Variants in ATRIP observed in about 807,000 individuals in gnomAD.
ATRIP encodes the protein ATR-interacting protein.
ATRIP carries 44 observed loss-of-function variants against 78.1 expected under a neutral mutation model. That is an observed-to-expected ratio of 0.56 (90% CI 0.44 to 0.72). ATRIP has a LOEUF of 0.72. ATRIP is among the 30% of genes least tolerant of loss of function. The probability of loss-of-function intolerance (pLI) is 0.00; values close to 1 mark genes in which losing one functional copy is unlikely to be tolerated. For synonymous variants in ATRIP, 388 were observed against 408.9 expected, an observed-to-expected ratio of 0.95 and a Z score of 0.62; for missense variants, 927 against 980.2, an observed-to-expected ratio of 0.95 and a Z score of 0.72.
At chr3:48,450,235 C>T in intron 2 of ATRIP, 65 bp downstream of exon 2, 1 of 1,530,002 alleles carries the variant, frequency 6.5e-7, no homozygotes, top group Non-Finnish European at 8.9e-7. Context: ...AAGCATTGTA[C>T]AGTAAAATAT....
At chr3:48,449,960 G>C in intron 1 of ATRIP, 77 bp from the exon 2 acceptor site, 1 of 1,267,158 alleles carries the variant, frequency 7.9e-7, no homozygotes, top group East Asian at 2.6e-5. Flanking sequence ...AAAAAAAAAA[G>C]TGGGTATTTT....
At position 48,457,289 on chromosome 3, in the gene ATRIP, G is replaced by A. The variant is rs2039977039; in HGVS notation, c.702G>A (p.Lys234=). ...GGAAAAACCCTTCTGTGGTTATAAA[G>A]CCAGAAGCATGTTCTCCACAATTTG... The part of the protein sequence containing the change: ...SPRKNPSVVI[K]PEACSPQFGK... The change falls in exon 5 of 13, where the codon AAG becomes AAA. Residue 234 remains lysine (K), a synonymous_variant. Coordinates refer to ENST00000320211, the MANE Select transcript of ATRIP (RefSeq NM_130384.3). 1 of 1,597,782 alleles carries A rather than the reference G, an allele frequency of 6.3e-7. No homozygotes were observed. Among genetic ancestry groups the A allele is most frequent in the Non-Finnish European group, 8.5e-7 (1 of 1,173,230 alleles).
At chr3:48,454,081 C>T (rs2039896766) in intron 3 of ATRIP, among the ~76,000 whole-genome samples, 1 of 152,134 alleles carries the variant, frequency 6.6e-6, no homozygotes, top group Admixed American at 6.6e-5. Context: ...TTTAAACCCT[C>T]ACAAACTACC....
Position 48,451,620 on chromosome 3 carries a change from TTGTC to T in ATRIP, c.382-105_382-102del, listed in dbSNP as rs1336825402. Reference sequence around the variant, plus strand: ...CTGTGGATATATTTTGAGTACTCATTTGTCTGTTTTTCCTGTGCTTTCTCCATCT... The same window carrying T: ...CTGTGGATATATTTTGAGTACTCATTTGTTTTTCCTGTGCTTTCTCCATCT... On this transcript the variant is annotated intron_variant, in intron 2 of 12. Coordinates refer to ENST00000320211, the MANE Select transcript of ATRIP (RefSeq NM_130384.3). 1.3e-5 allele frequency: 12 copies of T among 900,838 alleles called. No homozygotes were observed. In the East Asian group the frequency reaches 3.0e-4, roughly 23 times the overall value. 55.8% of individuals were successfully genotyped at this position (900,838 alleles called of 1,614,324 possible).
Position 48,446,837 on chromosome 3 carries a change from G to T in ATRIP, c.-9G>T. On this transcript the variant is annotated 5_prime_UTR_variant, in exon 1 of 13. Transcript: ENST00000320211. ...CGGCGCTGTCGGATACTTGGGGTGA[G>T]CGGAAAGCATGGCGGGGACCTCCGC... is the stretch of plus-strand genomic sequence containing the variant. The T allele has an allele frequency of 7.1e-7, 1 of 1,398,904 alleles. No homozygotes were observed. Among genetic ancestry groups the T allele is most frequent in the Non-Finnish European group, 9.3e-7 (1 of 1,077,170 alleles). 86.7% of individuals were successfully genotyped at this position (1,398,904 alleles called of 1,614,324 possible).
intron 2 of ATRIP, among the ~76,000 whole-genome samples, chr3:48,451,394 G>A (rs1233670079): frequency 6.6e-6 from 1 of 152,202 alleles, no homozygotes; most frequent in Non-Finnish European, 1.5e-5. Flanking sequence ...AAGAGGTTGA[G>A]GCGAGAGGAT....
intron 1 of ATRIP, 125 bp downstream of exon 1, chr3:48,447,217 C>A: frequency 2.4e-6 from 3 of 1,276,214 alleles, no homozygotes; most frequent in South Asian, 2.7e-5. Context: ...TATGGGAACA[C>A]CCTGATTTAA....
rs145208844 is a variant in ATRIP at position 48,466,867 on chromosome 3, T to C, written c.*1313T>C. The C allele has an allele frequency of 4.6e-5, 75 of 1,613,512 alleles. No homozygotes were observed. Among genetic ancestry groups the C allele is most frequent in the Non-Finnish European group, 6.3e-5 (74 of 1,180,036 alleles). On this transcript the variant is annotated 3_prime_UTR_variant, in exon 13 of 13. Coordinates refer to ENST00000320211, the MANE Select transcript of ATRIP (RefSeq NM_130384.3). The stretch of plus-strand genomic sequence containing the variant: ...GTGGTAGACAAGCTCTCCCTGTGTG[T>C]GGCTCCGGGGAAGGCCTGCAGCCCT...
At position 48,466,447 on chromosome 3, in the gene ATRIP, C is replaced by G. The variant is rs140593977; in HGVS notation, c.*893C>G. Reference sequence around the variant, plus strand: ...TCTCAGACAGTCGAATGTGCTGGTCCCACTAAGGAAACCACCTCACCCTCT... The same window carrying G: ...TCTCAGACAGTCGAATGTGCTGGTCGCACTAAGGAAACCACCTCACCCTCT... On this transcript the variant is annotated 3_prime_UTR_variant, in exon 13 of 13. Transcript: ENST00000320211. The G allele has an allele frequency of 1.2e-3, 1,927 of 1,613,174 alleles. 2 individuals are homozygous for G. Among genetic ancestry groups the G allele is most frequent in the Admixed American group, 2.3e-3 (138 of 60,012 alleles).
chr3:48,467,163 G>A lies in ATRIP; in HGVS notation c.*1609G>A, dbSNP rs768724007. 8 of 1,614,070 alleles carry A rather than the reference G, an allele frequency of 5.0e-6. No homozygotes were observed. Among genetic ancestry groups the A allele is most frequent in the Non-Finnish European group, 6.8e-6 (8 of 1,180,028 alleles). The stretch of plus-strand genomic sequence containing the variant: ...CCTGGAGCGAGCAAGCAGCCCCTCA[G>A]AACACGGCCCAAGGAAGAGCTATAG... On this transcript the variant is annotated 3_prime_UTR_variant, in exon 13 of 13. Transcript: ENST00000320211.
intron 11 of ATRIP, 67 bp from the exon 12 acceptor site, chr3:48,464,764 C>T (rs2040223478): frequency 1.2e-6 from 2 of 1,602,452 alleles, no homozygotes; most frequent in South Asian, 1.1e-5. Context: ...GGTGGCTAGG[C>T]TGAGCGGATT....
chr3:48,449,954 A>T, intron 1 of ATRIP, 83 bp from the exon 2 acceptor site: 1 of 1,455,108 alleles, frequency 6.9e-7, no homozygotes, highest in South Asian at 1.3e-5. Flanking sequence ...GAAAAAAAAA[A>T]AAAAAGTGGG....
At chr3:48,462,393 A>C (rs2040142686) in intron 8 of ATRIP, among the ~76,000 whole-genome samples, 1 of 151,940 alleles carries the variant, frequency 6.6e-6, no homozygotes, top group African/African-American at 2.4e-5. Flanking sequence ...GGGGCTCTTC[A>C]TAAAATTTCA....
intron 1 of ATRIP, chr3:48,447,418 C>T (rs2039707940): frequency 4.8e-6 from 5 of 1,044,042 alleles, no homozygotes; most frequent in African/African-American, 3.4e-5. Context: ...ACCATCACTA[C>T]CCATGCATGG....
Position 48,460,561 on chromosome 3 carries a change from G to C in ATRIP, c.1507G>C (p.Asp503His). 1.9e-6 allele frequency: 3 copies of C among 1,614,220 alleles called. No homozygotes were observed. Among genetic ancestry groups the C allele is most frequent in the Non-Finnish European group, 2.5e-6 (3 of 1,180,042 alleles). The change falls in exon 8 of 13, where the codon GAT becomes CAT. Residue 503 changes from aspartate to histidine, a missense_variant. Physicochemically the swap from Asp to His is moderately conservative, Grantham distance 81. Transcript: ENST00000320211. ...CCTATTACTGTCAGGAGTGGGGGCA[G>C]ATTCTGCTGCTGGGGAAGGAAACAG... ...VSLLLSGVGA[D>H]SAAGEGNRSL... is the part of the protein sequence containing the mutation.
intron 3 of ATRIP, among the ~76,000 whole-genome samples, chr3:48,454,054 C>A (rs1461416750): frequency 6.6e-6 from 1 of 152,172 alleles, no homozygotes; most frequent in Admixed American, 6.5e-5. Context: ...AACCACCACA[C>A]CCGGCCAGGG....
At position 48,446,906 on chromosome 3, in the gene ATRIP, G is replaced by T; in HGVS notation, c.61G>T (p.Gly21Cys). ...GAGCGAGCCCCCGGCGCCTCGCCCC[G>T]GCCCGCCGCCGGGCACCGGGCACCC... ...RRSEPPAPRP[G>C]PPPGTGHPPS... is the part of the protein sequence containing the mutation. The change falls in exon 1 of 13, where the codon GGC (glycine) becomes TGC (cysteine). Residue 21 changes from glycine to cysteine, a missense_variant. Coordinates refer to ENST00000320211, the MANE Select transcript of ATRIP (RefSeq NM_130384.3). 1 of 1,391,244 alleles carries T rather than the reference G, an allele frequency of 7.2e-7. No homozygotes were observed. Among genetic ancestry groups the T allele is most frequent in the Non-Finnish European group, 9.3e-7 (1 of 1,075,028 alleles). 86.2% of individuals were successfully genotyped at this position (1,391,244 alleles called of 1,614,324 possible). A position where few individuals can be genotyped will look rare whatever the true frequency, so the allele number is the denominator to read the frequency against.
At position 48,464,820 on chromosome 3, in the gene ATRIP, C is replaced by T. The variant is rs2107242529; in HGVS notation, c.2056-11C>T. 6.2e-7 allele frequency: 1 copy of T among 1,605,092 alleles called. No individual in the cohort carries two copies. The highest frequency in any genetic ancestry group is 1.1e-5 in the South Asian group (1 of 90,658). On this transcript the variant is annotated splice_polypyrimidine_tract_variant and intron_variant, in intron 11 of 12. Transcript: ENST00000320211. ...GGCACCAGGCCTCAGTCTGCACCCCCCCTCTCTCAGGTGGTCAGAGCGCTC... is the reference window on the plus strand; with the variant it reads ...GGCACCAGGCCTCAGTCTGCACCCCTCCTCTCTCAGGTGGTCAGAGCGCTC...
In ATRIP at chr3:48,467,401, C is replaced by A. The variant is rs759962919; in HGVS notation, c.*1847C>A. The A allele has an allele frequency of 1.2e-6, 2 of 1,614,100 alleles. No homozygotes were observed. Among genetic ancestry groups the A allele is most frequent in the Non-Finnish European group, 1.7e-6 (2 of 1,180,050 alleles). On this transcript the variant is annotated 3_prime_UTR_variant, in exon 13 of 13. Coordinates refer to ENST00000320211, the MANE Select transcript of ATRIP (RefSeq NM_130384.3). ...ACCAAGCCAAGACCATCTGCTGTCA[C>A]AACCACTGCACACCTGGCCACAACC...
Sources: gnomAD v4.1 joint callset for allele counts (sites outside exome capture counted in the v4.1 genomes callset) on GRCh38, gnomAD v4.1.1 for gene constraint, MANE v1.5 for transcripts, NCBI Gene and HGNC (gene_info 2026-07-23, HGNC 2026-07-21) for gene names.